PRKCH: variants seen among roughly 807,000 people sequenced by gnomAD.
The protein encoded by PRKCH is protein kinase C eta type.
PRKCH carries 28 observed loss-of-function variants against 82.5 expected under a neutral mutation model. That is an observed-to-expected ratio of 0.34 (90% CI 0.25 to 0.47). The LOEUF (loss-of-function observed/expected upper bound fraction) is 0.47. Ranked by LOEUF, PRKCH falls within the 20% of genes least tolerant of loss-of-function variation. PRKCH has a pLI of 1.00. For missense variants in PRKCH, 705 were observed against 881.8 expected, an observed-to-expected ratio of 0.80 and a Z score of 2.54; for synonymous variants, 322 against 327.4, an observed-to-expected ratio of 0.98 and a Z score of 0.18.
At chr14:61,387,163 T>C (rs1327631273) in intron 1 of PRKCH, among the ~76,000 whole-genome samples, 1 of 152,236 alleles carries the variant, frequency 6.6e-6, no homozygotes, top group Non-Finnish European at 1.5e-5. Context: ...GGATTCCTAG[T>C]TGGACCTACT....
At chr14:61,459,545 G>A (rs1198238935) in intron 9 of PRKCH, among the ~76,000 whole-genome samples, 2 of 152,200 alleles carry the variant, frequency 1.3e-5, no homozygotes. Context: ...TGTGTTAAGG[G>A]GTTTGGGTTT....
intron 1 of PRKCH, among the ~76,000 whole-genome samples, chr14:61,344,614 AATCCAG>A (rs541123865): frequency 1.7e-4 from 26 of 152,254 alleles, no homozygotes; most frequent in Middle Eastern, 6.8e-3. Context: ...TGGGACGATC[AATCCAG>A]CAGCTGCAGG....
rs1282586690 is a variant in PRKCH, at chr14:61,304,551, G to GT, written c.-19+116884dup. 2.0e-5 allele frequency: 3 copies of GT among 152,166 alleles called. No individual in the cohort carries two copies. In the East Asian group the frequency reaches 5.8e-4, roughly 29 times the overall value. 9.4% of individuals were successfully genotyped at this position (152,166 alleles called of 1,614,324 possible). A position where few individuals can be genotyped will look rare whatever the true frequency, so the allele number is the denominator to read the frequency against. On this transcript the variant is annotated intron_variant, in intron 1 of 3. Coordinates refer to the PRKCH transcript ENST00000555185. ...GAAAATGTTAGAATTCTGGCCAGGT[G>GT]TGGTGGCTCACACTTGTAATCCCAG...
intron 1 of PRKCH, among the ~76,000 whole-genome samples, chr14:61,386,678 T>C (rs542796793): frequency 6.6e-6 from 1 of 152,254 alleles, no homozygotes; most frequent in African/African-American, 2.4e-5. Flanking sequence ...TCAACTGAGA[T>C]GAAGACAGAC....
At chr14:61,293,934 T>A (rs950128921) in intron 1 of PRKCH, among the ~76,000 whole-genome samples, 4 of 152,176 alleles carry the variant, frequency 2.6e-5, no homozygotes, top group African/African-American at 9.7e-5. Context: ...ACTTTCCATG[T>A]TCCGAGGTGG....
intron 1 of PRKCH, among the ~76,000 whole-genome samples, chr14:61,268,819 CATACT>C (rs1170689397): frequency 6.6e-6 from 1 of 152,138 alleles, no homozygotes; most frequent in Non-Finnish European, 1.5e-5. Context: ...GCTAACTGGG[CATACT>C]TAATTTTGCT....
rs147634738 is a variant in PRKCH, at chr14:61,405,471, G to A, written c.427+14183G>A. On this transcript the variant is annotated intron_variant, in intron 2 of 13. Coordinates refer to ENST00000332981, the MANE Select transcript of PRKCH (RefSeq NM_006255.5). Reference sequence around the variant, plus strand: ...CAGCTCACTGCAACCTCCACCTCCCGGGTTCAAGCGATTCTGCTGCCTCAG... The same window carrying A: ...CAGCTCACTGCAACCTCCACCTCCCAGGTTCAAGCGATTCTGCTGCCTCAG... 3.0e-3 allele frequency among the ~76,000 whole-genome samples: 450 copies of A among 151,708 alleles called. 3 individuals are homozygous for A. Among genetic ancestry groups the A allele is most frequent in the African/African-American group, 9.9e-3 (407 of 41,288 alleles).
At chr14:61,548,324 C>G (rs1189620054) in intron 13 of PRKCH, among the ~76,000 whole-genome samples, 1 of 152,226 alleles carries the variant, frequency 6.6e-6, no homozygotes, top group African/African-American at 2.4e-5. Flanking sequence ...TGAGCCTGGC[C>G]TCTTGGCTTG....
rs1310518514 is a variant in PRKCH, at chr14:61,361,994, G to T, written c.364-29231G>T. On this transcript the variant is annotated intron_variant, in intron 1 of 13. Transcript: ENST00000332981. ...TAAAAAAATTAAATCTGATAAAAAA[G>T]ATCTGTTTTAATAGCAAATTCCTTT... Among the ~76,000 whole-genome samples, 5 of 152,136 alleles carry T rather than the reference G, an allele frequency of 3.3e-5. No individual in the cohort carries two copies. In the East Asian group the frequency reaches 5.8e-4, roughly 18 times the overall value.
intron 1 of PRKCH, among the ~76,000 whole-genome samples, chr14:61,224,642 C>A (rs897744311): frequency 2.0e-5 from 3 of 152,176 alleles, no homozygotes; most frequent in African/African-American, 7.2e-5. Flanking sequence ...GGGGAAACCA[C>A]AGAGGTATAT....
At chr14:61,243,799 G>A (rs1003406675) in intron 1 of PRKCH, among the ~76,000 whole-genome samples, 3 of 151,974 alleles carry the variant, frequency 2.0e-5, no homozygotes, top group East Asian at 3.9e-4. Context: ...TTTATAAAAA[G>A]CCTTTTTTCT....
intron 1 of PRKCH, chr14:61,306,027 G>C (rs1259921195): frequency 6.6e-6 from 1 of 152,146 alleles, no homozygotes; most frequent in African/African-American, 2.4e-5. Flanking sequence ...GATCTTGCTA[G>C]GCTTTGTTTT....
chr14:61,236,749 G>C (rs1237316372), intron 1 of PRKCH, among the ~76,000 whole-genome samples: 1 of 149,548 alleles, frequency 6.7e-6, no homozygotes, highest in Non-Finnish European at 1.5e-5. Context: ...AATGAAGCTG[G>C]CTCAGTCCCA....
intron 1 of PRKCH, among the ~76,000 whole-genome samples, chr14:61,307,771 T>G (rs2045494041): frequency 1.3e-5 from 2 of 152,390 alleles, no homozygotes; most frequent in Non-Finnish European, 2.9e-5. Context: ...TGTGTGATTA[T>G]AACAATCTTC....
At chr14:61,466,826 G>C (rs1171310903) in intron 9 of PRKCH, among the ~76,000 whole-genome samples, 1 of 152,134 alleles carries the variant, frequency 6.6e-6, no homozygotes, top group Non-Finnish European at 1.5e-5. Flanking sequence ...GCGTCTTTAC[G>C]ATGTCAGCCT....
chr14:61,488,923 C>G (rs78014442), intron 10 of PRKCH, among the ~76,000 whole-genome samples: 1,794 of 152,304 alleles, frequency 0.012, 34 homozygotes, highest in African/African-American at 0.041. Context: ...ATCCCATGTT[C>G]AGGCTCTAAC....
chr14:61,358,176 G>A (rs1385534403), intron 1 of PRKCH, among the ~76,000 whole-genome samples: 2 of 152,136 alleles, frequency 1.3e-5, no homozygotes, highest in African/African-American at 2.4e-5. Context: ...CTGACCCTCA[G>A]TGTCTTTCTT....
Position 61,519,658 on chromosome 14 carries a change from T to C in PRKCH, c.1434-9417T>C, listed in dbSNP as rs534913470. Among the ~76,000 whole-genome samples, 21 of 152,294 alleles carry C rather than the reference T, an allele frequency of 1.4e-4. 1 individual carries two copies. The South Asian group carries it at 4.3e-3, about 32-fold the overall frequency. ...CGTGGTCTTCAGCAAGATATTCCAATAGGTCAGCCTCAGGAACACCAGATT... is the reference window on the plus strand; with the variant it reads ...CGTGGTCTTCAGCAAGATATTCCAACAGGTCAGCCTCAGGAACACCAGATT... On this transcript the variant is annotated intron_variant, in intron 10 of 13. Transcript: ENST00000332981.
At chr14:61,474,875 G>A (rs959123865) in intron 9 of PRKCH, among the ~76,000 whole-genome samples, 3 of 152,106 alleles carry the variant, frequency 2.0e-5, no homozygotes, top group Non-Finnish European at 2.9e-5. Flanking sequence ...ACTTCGGCCC[G>A]TGCATCAGCA....
Sources: allele counts gnomAD v4.1 joint callset (sites outside exome capture counted in the v4.1 genomes callset), GRCh38; gene constraint gnomAD v4.1.1; transcripts MANE v1.5; gene names NCBI Gene and HGNC (gene_info 2026-07-23, HGNC 2026-07-21).